Variants in WFDC9 observed in about 807,000 individuals in gnomAD.
The protein encoded by WFDC9 is WAP four-disulfide core domain 9, also known as protein WFDC9.
Under a neutral mutation model 9.5 loss-of-function variants are expected in WFDC9, and 9 were observed. That is an observed-to-expected ratio of 0.95 (90% CI 0.57 to 1.65). The LOEUF is 1.65. Ranked by LOEUF, WFDC9 falls within the 40% of genes most tolerant of loss-of-function variation. The pLI is 0.00. For missense variants in WFDC9, 87 were observed against 106.7 expected (o/e 0.82, Z 0.81); for synonymous variants, 33 against 32.3 (o/e 1.02, Z -0.07).
chr20:45,617,194 C>T (rs527631147), intron 1 of WFDC9, among the ~76,000 whole-genome samples: 15 of 152,318 alleles, frequency 9.8e-5, no homozygotes, highest in African/African-American at 3.1e-4. Context: ...CAGTGGCTCA[C>T]GCCTGTAATC....
At chr20:45,608,969 C>A (rs558681054) in intron 3 of WFDC9, among the ~76,000 whole-genome samples, 159 bp from the exon 4 acceptor site, 6 of 152,316 alleles carry the variant, frequency 3.9e-5, no homozygotes, top group African/African-American at 1.4e-4. Context: ...AGTGTCTTGT[C>A]ACAAGACCAT....
At chr20:45,616,203 G>A (rs117144881) in intron 1 of WFDC9, among the ~76,000 whole-genome samples, 153 of 152,272 alleles carry the variant, frequency 1.0e-3, no homozygotes, top group Admixed American at 2.3e-3. Context: ...GTTTATCTAA[G>A]TTTATGCAAT....
intron 1 of WFDC9, among the ~76,000 whole-genome samples, chr20:45,617,316 A>G (rs1475951109): frequency 1.3e-5 from 2 of 152,148 alleles, no homozygotes; most frequent in Admixed American, 1.3e-4. Context: ...TTAGCCTGGC[A>G]TGGTGGCAGG....
At chr20:45,621,686 G>T (rs1028353062) in intron 1 of WFDC9, among the ~76,000 whole-genome samples, 5 of 152,182 alleles carry the variant, frequency 3.3e-5, no homozygotes, top group African/African-American at 1.2e-4. Context: ...CACTGTGTTT[G>T]TCTCTCATGA....
intron 2 of WFDC9, among the ~76,000 whole-genome samples, chr20:45,612,290 AG>A (rs1172090444): frequency 3.3e-5 from 5 of 151,490 alleles, no homozygotes; most frequent in African/African-American, 1.2e-4. Context: ...GTGTGGAGGG[AG>A]ACAGGGGGAG....
At chr20:45,615,783 A>G (rs1433619623) in intron 1 of WFDC9, among the ~76,000 whole-genome samples, 1 of 152,126 alleles carries the variant, frequency 6.6e-6, no homozygotes, top group Non-Finnish European at 1.5e-5. Flanking sequence ...CTTATGATGA[A>G]TTTCATTATT....
chr20:45,611,159 G>A (rs2145595090), intron 2 of WFDC9, among the ~76,000 whole-genome samples: 1 of 152,284 alleles, frequency 6.6e-6, no homozygotes, highest in East Asian at 1.9e-4. Context: ...GCTCATGATA[G>A]TATCTATTAC....
chr20:45,631,148 G>C (rs935639803), intron 1 of WFDC9, 55 bp downstream of exon 1: 4 of 1,058,602 alleles, frequency 3.8e-6, no homozygotes, highest in Non-Finnish European at 5.1e-6. Context: ...CCTCTCTACT[G>C]TCTGAACCCC....
chr20:45,623,011 A>G (rs1171690228), intron 1 of WFDC9, among the ~76,000 whole-genome samples: 2 of 152,150 alleles, frequency 1.3e-5, no homozygotes, highest in Non-Finnish European at 2.9e-5. Flanking sequence ...CTAAGTGTGC[A>G]TGTTTGAGAA....
In WFDC9 at chr20:45,625,807, CTTTTT is replaced by C. The variant is rs76758338; in HGVS notation, c.-153+5391_-153+5395del. On this transcript the variant is annotated intron_variant, in intron 1 of 4. Transcript: ENST00000326000. ...TGGATTTATTTCTAGGTTCTCTATTCTTTTTTTTTTTTTTTTTTTTTTTTTTGAGA... is the reference window on the plus strand; with the variant it reads ...TGGATTTATTTCTAGGTTCTCTATTCTTTTTTTTTTTTTTTTTTTTTGAGA... Among the ~76,000 whole-genome samples, 64 of 46,406 alleles carry C rather than the reference CTTTTT, an allele frequency of 1.4e-3. 1 individual carries two copies. The highest frequency in any genetic ancestry group is 0.012 in the East Asian group (12 of 1,026). The allele number at this position is 46,406 out of a possible 152,430, so 30.4% of individuals were successfully genotyped here.
At chr20:45,620,552 G>A (rs112392083) in intron 1 of WFDC9, among the ~76,000 whole-genome samples, 13,417 of 152,190 alleles carry the variant, frequency 0.088, 590 homozygotes, top group Middle Eastern at 0.11. Flanking sequence ...AGAGAGCACC[G>A]CTGTACTCCA....
intron 1 of WFDC9, among the ~76,000 whole-genome samples, chr20:45,617,776 A>G (rs1000004976): frequency 5.3e-5 from 8 of 152,218 alleles, no homozygotes; most frequent in Non-Finnish European, 1.0e-4. Flanking sequence ...GGTGTGCACC[A>G]TCATGCCTGA....
intron 2 of WFDC9, among the ~76,000 whole-genome samples, chr20:45,610,995 T>C (rs1981848756): frequency 6.6e-6 from 1 of 152,048 alleles, no homozygotes; most frequent in South Asian, 2.1e-4. Context: ...CTTTAAAGGG[T>C]GACTTTAAAT....
chr20:45,625,833 T>TTTTA (rs71181835), intron 1 of WFDC9, among the ~76,000 whole-genome samples: 1 of 140,680 alleles, frequency 7.1e-6, no homozygotes, highest in African/African-American at 2.7e-5. Context: ...TTTTTTTTTT[T>TTTTA]GAGACAGAGT....
intron 1 of WFDC9, 148 bp from the exon 2 acceptor site, chr20:45,614,869 C>T (rs1443698491): frequency 6.6e-6 from 1 of 152,166 alleles, no homozygotes; most frequent in Non-Finnish European, 1.5e-5. Flanking sequence ...TCCAGATGTA[C>T]TCAATTTTCT....
chr20:45,623,420 A>T (rs1982144702), intron 1 of WFDC9, among the ~76,000 whole-genome samples: 1 of 151,962 alleles, frequency 6.6e-6, no homozygotes, highest in African/African-American at 2.4e-5. Context: ...CAGGTGGACC[A>T]CCTGAGGTCA....
intron 1 of WFDC9, among the ~76,000 whole-genome samples, chr20:45,627,427 G>T (rs928897943): frequency 2.0e-5 from 3 of 152,138 alleles, no homozygotes; most frequent in Non-Finnish European, 2.9e-5. Flanking sequence ...CATAGAATTT[G>T]GTGGTAAAGC....
At chr20:45,621,039 T>C (rs1481867395) in intron 1 of WFDC9, among the ~76,000 whole-genome samples, 2 of 152,214 alleles carry the variant, frequency 1.3e-5, no homozygotes, top group African/African-American at 2.4e-5. Flanking sequence ...TTTTAATTTA[T>C]CATGCTTTTT....
intron 2 of WFDC9, among the ~76,000 whole-genome samples, chr20:45,610,939 C>T (rs1981847691): frequency 6.6e-6 from 1 of 152,120 alleles, no homozygotes; most frequent in East Asian, 1.9e-4. Context: ...GCTATGTGAT[C>T]CTAGAAGTCT....
Sources: allele counts gnomAD v4.1 joint callset (sites outside exome capture counted in the v4.1 genomes callset), GRCh38; gene constraint gnomAD v4.1.1; transcripts MANE v1.5; gene names NCBI Gene and HGNC (gene_info 2026-07-23, HGNC 2026-07-21).